Variants in CFAP44 observed in about 807,000 individuals in gnomAD.
CFAP44 encodes cilia and flagella associated protein 44.
CFAP44 carries 134 observed loss-of-function variants against 216.2 expected under a neutral mutation model. That is an observed-to-expected ratio of 0.62 (90% confidence interval 0.54 to 0.72). The LOEUF is 0.72. Ranked by LOEUF, CFAP44 falls within the 30% of genes least tolerant of loss-of-function variation. CFAP44 has a pLI of 0.00. For synonymous variants in CFAP44, 700 were observed against 727.6 expected, an observed-to-expected ratio of 0.96 and a Z score of 0.61; for missense variants, 2,035 against 2,182.1, an observed-to-expected ratio of 0.93 and a Z score of 1.34.
intron 32 of CFAP44, among the ~76,000 whole-genome samples, chr3:113,297,728 T>C (rs1440841528): frequency 1.3e-5 from 2 of 152,234 alleles, no homozygotes; most frequent in African/African-American, 2.4e-5. Context: ...CTTTCCCCAA[T>C]GTGAGAACAC....
At chr3:113,349,845 C>CA (rs1950425687) in intron 22 of CFAP44, among the ~76,000 whole-genome samples, 1 of 152,236 alleles carries the variant, frequency 6.6e-6, no homozygotes, top group Non-Finnish European at 1.5e-5. Context: ...CAGCTATCCT[C>CA]AAGGTCTGTT....
chr3:113,306,801 G>A (rs529312804), intron 29 of CFAP44, among the ~76,000 whole-genome samples: 2 of 152,208 alleles, frequency 1.3e-5, no homozygotes, highest in East Asian at 1.9e-4. Context: ...TAGAATTCAG[G>A]AAGCTTAGAT....
chr3:113,306,370 T>C, intron 29 of CFAP44, 39 bp from the exon 30 acceptor site: 1 of 1,528,956 alleles, frequency 6.5e-7, no homozygotes, highest in Non-Finnish European at 8.7e-7. Context: ...CCTCATTTGT[T>C]ATGGAATGTG....
Position 113,433,681 on chromosome 3 carries a change from A to C in CFAP44, c.-5-12T>G, listed in dbSNP as rs1047867026. 2 of 1,590,118 alleles carry C rather than the reference A, an allele frequency of 1.3e-6. No homozygotes were observed. The highest frequency in any genetic ancestry group is 1.7e-6 in the Non-Finnish European group (2 of 1,159,872). The stretch of plus-strand genomic sequence containing the variant: ...TTCCTTCATTTCCTCTGTAAGTACA[A>C]AATGGGGATGAGATATGGATAAAGC... On this transcript the variant is annotated splice_polypyrimidine_tract_variant and intron_variant, in intron 1 of 34. Transcript: ENST00000393845.
intron 22 of CFAP44, 105 bp downstream of exon 22, chr3:113,358,640 C>T (rs772090593): frequency 4.0e-5 from 55 of 1,363,786 alleles, no homozygotes; most frequent in Non-Finnish European, 5.1e-5. Context: ...TCAGTGGGTA[C>T]TTCCAGAGCC....
intron 24 of CFAP44, among the ~76,000 whole-genome samples, chr3:113,338,148 T>C (rs1470278969): frequency 6.7e-6 from 1 of 148,638 alleles, no homozygotes. Context: ...TCCCAGCTAC[T>C]TGGGAGGCTG....
intron 17 of CFAP44, among the ~76,000 whole-genome samples, chr3:113,374,436 G>A (rs1000504296): frequency 3.3e-5 from 5 of 151,240 alleles, no homozygotes; most frequent in African/African-American, 7.3e-5. Context: ...ATGTGCACAC[G>A]TGCAGGTTTG....
chr3:113,415,879 C>T (rs1934631776), intron 6 of CFAP44, among the ~76,000 whole-genome samples: 1 of 152,054 alleles, frequency 6.6e-6, no homozygotes, highest in Non-Finnish European at 1.5e-5. Flanking sequence ...CTATCAGGTC[C>T]ACTTGATCCA....
intron 15 of CFAP44, among the ~76,000 whole-genome samples, chr3:113,383,724 C>CA (rs768342955): frequency 6.6e-6 from 1 of 152,036 alleles, no homozygotes; most frequent in East Asian, 1.9e-4. Flanking sequence ...AGGGTGAACT[C>CA]AGAGTAAAGG....
chr3:113,380,715 T>A (rs1398288106), intron 16 of CFAP44, among the ~76,000 whole-genome samples, 184 bp downstream of exon 16: 3 of 152,190 alleles, frequency 2.0e-5, no homozygotes, highest in Non-Finnish European at 4.4e-5. Flanking sequence ...CTTCTTTGCA[T>A]TTTGATTTCA....
chr3:113,423,276 G>A (rs1164042668), intron 4 of CFAP44, among the ~76,000 whole-genome samples: 2 of 151,718 alleles, frequency 1.3e-5, no homozygotes, highest in African/African-American at 4.8e-5. Context: ...CACCACACCT[G>A]GCTAATTTTT....
At position 113,330,564 on chromosome 3, in the gene CFAP44, G is replaced by A. The variant is rs1409786807; in HGVS notation, c.3720C>T (p.Asn1240=). 2.0e-6 allele frequency: 3 copies of A among 1,537,114 alleles called. No individual in the cohort carries two copies. The highest frequency in any genetic ancestry group is 3.9e-5 in the Admixed American group (2 of 50,982). The stretch of plus-strand genomic sequence containing the variant: ...TGGATATGTGAAGAGTCGACTGAAT[G>A]TTCTTCAGTTCTTGTACCAGGCACT... ...EIQCLVQELK[N]IQSTLHISKH... The change falls in exon 26 of 35, where the codon AAC becomes AAT. Residue 1240 remains asparagine (N), a synonymous_variant. Coordinates refer to ENST00000393845, the MANE Select transcript of CFAP44 (RefSeq NM_001164496.2).
intron 32 of CFAP44, among the ~76,000 whole-genome samples, chr3:113,300,110 T>C (rs1042316451): frequency 2.0e-5 from 3 of 152,276 alleles, no homozygotes; most frequent in African/African-American, 2.4e-5. Flanking sequence ...GCCAGGCACA[T>C]AAAGACAAAC....
chr3:113,436,024 T>C (rs1382136819), intron 1 of CFAP44, among the ~76,000 whole-genome samples: 1 of 151,176 alleles, frequency 6.6e-6, no homozygotes, highest in African/African-American at 2.4e-5. Flanking sequence ...ATGGAGGGGG[T>C]GGGGTTAGGA....
chr3:113,373,811 T>C (rs1246961881), intron 17 of CFAP44, among the ~76,000 whole-genome samples: 1 of 152,186 alleles, frequency 6.6e-6, no homozygotes, highest in Non-Finnish European at 1.5e-5. Flanking sequence ...AAGAGAGATA[T>C]CACCTCTGAC....
chr3:113,309,046 T>C (rs1950013185), intron 28 of CFAP44, among the ~76,000 whole-genome samples: 1 of 152,220 alleles, frequency 6.6e-6, no homozygotes, highest in East Asian at 1.9e-4. Flanking sequence ...TTGCTAGTGG[T>C]ATCATGTTGA....
chr3:113,439,606 G>T (rs567233159), intron 1 of CFAP44, among the ~76,000 whole-genome samples: 3 of 152,046 alleles, frequency 2.0e-5, no homozygotes, highest in Non-Finnish European at 4.4e-5. Flanking sequence ...CCTTACTCCC[G>T]AATAAACATC....
intron 24 of CFAP44, among the ~76,000 whole-genome samples, chr3:113,337,884 T>C (rs905876320): frequency 2.6e-5 from 4 of 152,140 alleles, no homozygotes; most frequent in Middle Eastern, 3.2e-3. Context: ...TTCTTAGACT[T>C]GACACCAAAA....
intron 28 of CFAP44, among the ~76,000 whole-genome samples, chr3:113,323,850 T>C (rs1950166298): frequency 6.6e-6 from 1 of 152,128 alleles, no homozygotes. Context: ...AAGACCATCC[T>C]GGCCAACATG....
Sources: allele counts gnomAD v4.1 joint callset (sites outside exome capture counted in the v4.1 genomes callset), GRCh38; gene constraint gnomAD v4.1.1; transcripts MANE v1.5; gene names NCBI Gene and HGNC (gene_info 2026-07-23, HGNC 2026-07-21).